The following DLGAP2 variants were observed in gnomAD, a reference collection of about 807,000 sequenced individuals.
DLGAP2 encodes disks large-associated protein 2.
Under a neutral mutation model 100.3 loss-of-function variants are expected in DLGAP2, and 26 were observed. That is an observed-to-expected ratio of 0.26 (90% CI 0.19 to 0.36). The LOEUF (loss-of-function observed/expected upper bound fraction) is 0.36. Among genes scored for constraint, DLGAP2 ranks in the 10% least tolerant of loss-of-function variants. The probability of loss-of-function intolerance (pLI) is 1.00; values close to 1 mark genes in which losing one functional copy is unlikely to be tolerated. For synonymous variants in DLGAP2, 886 were observed against 630.1 expected, an observed-to-expected ratio of 1.41 and a Z score of -6.08; for missense variants, 1,858 against 1,453.2, an observed-to-expected ratio of 1.28 and a Z score of -4.53.
At chr8:1,124,762 C>G (rs1016548569) in intron 2 of DLGAP2, among the ~76,000 whole-genome samples, 2 of 152,196 alleles carry the variant, frequency 1.3e-5, no homozygotes, top group African/African-American at 2.4e-5. Flanking sequence ...ATGCCACACA[C>G]AGCCCCCGTG....
chr8:940,056 T>C (rs1179192597), intron 2 of DLGAP2, among the ~76,000 whole-genome samples: 1 of 151,984 alleles, frequency 6.6e-6, no homozygotes, highest in Non-Finnish European at 1.5e-5. Context: ...CTTTGGCTGC[T>C]ATGGAGTGCA....
At chr8:1,466,761 T>C (rs1477436907) in intron 3 of DLGAP2, among the ~76,000 whole-genome samples, 4 of 152,110 alleles carry the variant, frequency 2.6e-5, no homozygotes, top group African/African-American at 9.7e-5. Context: ...ATTGCGTGGA[T>C]AGTGGTGTGA....
chr8:1,552,624 G>A (rs549559143), intron 5 of DLGAP2, among the ~76,000 whole-genome samples: 103 of 152,258 alleles, frequency 6.8e-4, no homozygotes, highest in Middle Eastern at 3.4e-3. Flanking sequence ...ATTTTATTTC[G>A]CAGCCAGGAA....
chr8:1,137,028 G>A (rs1796429117), intron 2 of DLGAP2, among the ~76,000 whole-genome samples: 1 of 152,170 alleles, frequency 6.6e-6, no homozygotes, highest in South Asian at 2.1e-4. Flanking sequence ...TCCCAGAATG[G>A]CTCAAACAAC....
chr8:1,537,657 C>G (rs1216838958), intron 4 of DLGAP2, among the ~76,000 whole-genome samples: 1 of 151,516 alleles, frequency 6.6e-6, no homozygotes, highest in Non-Finnish European at 1.5e-5. Flanking sequence ...GCCTGGAACT[C>G]GTGATGCCTG....
intron 2 of DLGAP2, among the ~76,000 whole-genome samples, chr8:1,090,082 G>A (rs888511831): frequency 1.4e-5 from 2 of 140,518 alleles, no homozygotes; most frequent in African/African-American, 5.4e-5. Flanking sequence ...GCACTCTGGA[G>A]CCCTCCTGGG....
chr8:1,287,671 AG>A (rs1799970462), intron 3 of DLGAP2, among the ~76,000 whole-genome samples: 2 of 88,910 alleles, frequency 2.2e-5, no homozygotes, highest in African/African-American at 9.4e-5. Context: ...TGGTTCTGTT[AG>A]GAGGGGAACT....
At chr8:1,349,465 C>T (rs1801652193) in intron 3 of DLGAP2, among the ~76,000 whole-genome samples, 2 of 110,696 alleles carry the variant, frequency 1.8e-5, no homozygotes, top group Non-Finnish European at 4.1e-5. Flanking sequence ...TGCCCACATC[C>T]ACTCATGTCA....
intron 4 of DLGAP2, among the ~76,000 whole-genome samples, chr8:1,515,122 A>G (rs533794438): frequency 3.3e-4 from 51 of 152,276 alleles, no homozygotes; most frequent in African/African-American, 1.1e-3. Context: ...GATGCATCCA[A>G]CCAAAGAGAA....
chr8:1,695,997 G>A (rs542020259), intron 13 of DLGAP2, among the ~76,000 whole-genome samples: 59 of 152,342 alleles, frequency 3.9e-4, no homozygotes, highest in African/African-American at 1.4e-3. Context: ...GCTCAGCCGC[G>A]CGGAGGGCAG....
At position 1,702,913 on chromosome 8, in the gene DLGAP2, T is replaced by C. The variant is rs1295773827; in HGVS notation, c.*1507T>C. The C allele has an allele frequency of 2.0e-5, 3 of 152,676 alleles. No individual in the cohort carries two copies. Among genetic ancestry groups the C allele is most frequent in the Non-Finnish European group, 4.4e-5 (3 of 68,046 alleles). 9.5% of individuals were successfully genotyped at this position (152,676 alleles called of 1,614,324 possible). On this transcript the variant is annotated 3_prime_UTR_variant, in exon 15 of 15. Transcript: ENST00000637795. ...CCCGGCTTAAGGAGTACCATGTACT[T>C]AGCCACAGGCAGAATAGCTTTCGAT...
At chr8:1,020,452 T>G (rs1801596035) in intron 2 of DLGAP2, among the ~76,000 whole-genome samples, 1 of 152,250 alleles carries the variant, frequency 6.6e-6, no homozygotes, top group Non-Finnish European at 1.5e-5. Context: ...AGCTTAGCAG[T>G]CTTCAGAAAT....
At chr8:1,135,838 C>G (rs970019820) in intron 2 of DLGAP2, among the ~76,000 whole-genome samples, 1 of 152,158 alleles carries the variant, frequency 6.6e-6, no homozygotes, top group African/African-American at 2.4e-5. Flanking sequence ...AACAATAGAT[C>G]TCTGCTGAGC....
intron 1 of DLGAP2, among the ~76,000 whole-genome samples, chr8:794,659 A>G (rs946946711): frequency 1.7e-5 from 2 of 115,600 alleles, no homozygotes; most frequent in Non-Finnish European, 3.9e-5. Context: ...TAAACCCACA[A>G]CCTTCCAGCT....
At chr8:934,476 T>A (rs1046590921) in intron 2 of DLGAP2, among the ~76,000 whole-genome samples, 18 of 152,206 alleles carry the variant, frequency 1.2e-4, no homozygotes, top group African/African-American at 4.1e-4. Flanking sequence ...GGGACCTGCT[T>A]GAAACAGGCC....
intron 10 of DLGAP2, among the ~76,000 whole-genome samples, chr8:1,671,129 C>A (rs1031778093): frequency 6.6e-6 from 1 of 152,218 alleles, no homozygotes; most frequent in African/African-American, 2.4e-5. Flanking sequence ...GGCTCACGGC[C>A]AAGGCCATGA....
At chr8:1,625,069 C>T (rs1028161517) in intron 6 of DLGAP2, among the ~76,000 whole-genome samples, 4 of 152,040 alleles carry the variant, frequency 2.6e-5, no homozygotes, top group African/African-American at 9.7e-5. Flanking sequence ...TTTTTAAAGA[C>T]TGAAGTAAAT....
chr8:745,701 A>T (rs1238256306), intron 1 of DLGAP2, among the ~76,000 whole-genome samples: 1 of 152,236 alleles, frequency 6.6e-6, no homozygotes, highest in African/African-American at 2.4e-5. Context: ...GGGTAAATTC[A>T]TGGTGGTACA....
intron 3 of DLGAP2, among the ~76,000 whole-genome samples, chr8:1,287,463 C>G (rs111793133): frequency 1.8e-5 from 1 of 54,202 alleles, no homozygotes; most frequent in Non-Finnish European, 3.2e-5. Flanking sequence ...GAACTAGTTT[C>G]GGTTCAGCGT....
Sources: allele counts gnomAD v4.1 joint callset (sites outside exome capture counted in the v4.1 genomes callset), GRCh38; gene constraint gnomAD v4.1.1; transcripts MANE v1.5; gene names NCBI Gene and HGNC (gene_info 2026-07-23, HGNC 2026-07-21).